Variants in HMGCLL1 observed in about 807,000 individuals in gnomAD.
HMGCLL1 encodes the protein 3-hydroxymethyl-3-methylglutaryl-CoA lyase, cytoplasmic.
HMGCLL1 carries 36 observed loss-of-function variants against 39.1 expected under a neutral mutation model. That is an observed-to-expected ratio of 0.92 (90% CI 0.71 to 1.22). HMGCLL1 has a LOEUF of 1.22. Ranked by LOEUF, HMGCLL1 falls within the 50% of genes most tolerant of loss-of-function variation. The probability of loss-of-function intolerance (pLI) is 0.00; values close to 1 mark genes in which losing one functional copy is unlikely to be tolerated. For missense variants in HMGCLL1, 451 were observed against 416.5 expected, an observed-to-expected ratio of 1.08 and a Z score of -0.72; for synonymous variants, 149 against 144.0, an observed-to-expected ratio of 1.03 and a Z score of -0.25.
chr6:55,566,552 T>A, intron 1 of HMGCLL1: 1 of 454,398 alleles, frequency 2.2e-6, no homozygotes, highest in Admixed American at 2.4e-5. Flanking sequence ...CCGGAGACCA[T>A]AGCTTAGACA....
chr6:55,561,522 G>T (rs1770946053), intron 1 of HMGCLL1, among the ~76,000 whole-genome samples: 1 of 152,058 alleles, frequency 6.6e-6, no homozygotes, highest in Non-Finnish European at 1.5e-5. Context: ...TAATTCATTA[G>T]GTTAGACTGG....
At chr6:55,605,014 G>T in the HMGCLL1 span, among the ~76,000 whole-genome samples, 2 of 152,198 alleles carry the variant, frequency 1.3e-5, no homozygotes, top group East Asian at 3.8e-4. Flanking sequence ...GCTATGCACG[G>T]TAAACATGGA....
rs140707918 is a variant in HMGCLL1, at chr6:55,553,178, T to TAC, written c.109-11040_109-11039dup. ...CTCTCTCTATATATATATATATACA[T>TAC]ACACACACACACACACACACACACA... On this transcript the variant is annotated intron_variant, in intron 1 of 8. Coordinates refer to ENST00000274901, the MANE Select transcript of HMGCLL1 (RefSeq NM_001042406.2). 3.3e-4 allele frequency among the ~76,000 whole-genome samples: 10 copies of TAC among 30,654 alleles called. No homozygotes were observed. In the East Asian group the frequency reaches 7.2e-3, roughly 22 times the overall value. 20.1% of individuals were successfully genotyped at this position (30,654 alleles called of 152,430 possible). A position where few individuals can be genotyped will look rare whatever the true frequency, so the allele number is the denominator to read the frequency against.
At chr6:55,569,340 A>G (rs1460970352) in intron 1 of HMGCLL1, among the ~76,000 whole-genome samples, 3 of 152,184 alleles carry the variant, frequency 2.0e-5, no homozygotes, top group Non-Finnish European at 4.4e-5. Flanking sequence ...ACCATCCAAC[A>G]CAGTGTTTAC....
chr6:55,485,854 T>A (rs1765998353), intron 7 of HMGCLL1, among the ~76,000 whole-genome samples: 1 of 151,812 alleles, frequency 6.6e-6, no homozygotes, highest in Non-Finnish European at 1.5e-5. Flanking sequence ...AGGCTGGAAA[T>A]AGCCTCTCTA....
the HMGCLL1 span, among the ~76,000 whole-genome samples, chr6:55,658,250 C>A: frequency 3.3e-5 from 5 of 151,908 alleles, no homozygotes; most frequent in Non-Finnish European, 7.4e-5. Flanking sequence ...TCCACCTTGA[C>A]AGCCCATTCT....
intron 3 of HMGCLL1, among the ~76,000 whole-genome samples, chr6:55,517,680 T>A (rs1767813336): frequency 6.6e-6 from 1 of 151,948 alleles, no homozygotes; most frequent in Non-Finnish European, 1.5e-5. Context: ...AATATTATAA[T>A]ATTAAATATA....
chr6:55,661,587 CAGT>C, the HMGCLL1 span, among the ~76,000 whole-genome samples: 1 of 151,974 alleles, frequency 6.6e-6, no homozygotes, highest in African/African-American at 2.4e-5. Flanking sequence ...GTTTTTGTAT[CAGT>C]ACCATGCTCT....
At chr6:55,629,612 A>T in the HMGCLL1 span, among the ~76,000 whole-genome samples, 1 of 152,168 alleles carries the variant, frequency 6.6e-6, no homozygotes, top group African/African-American at 2.4e-5. Context: ...TCTTCACAGC[A>T]GACCCTCCCA....
intron 7 of HMGCLL1, among the ~76,000 whole-genome samples, chr6:55,482,651 A>G (rs1032382089): frequency 4.6e-5 from 7 of 152,104 alleles, no homozygotes; most frequent in African/African-American, 1.7e-4. Flanking sequence ...GTTTCCTTTA[A>G]GAATGTTTAC....
chr6:55,512,560 T>C (rs951185912), intron 5 of HMGCLL1: 5 of 152,140 alleles, frequency 3.3e-5, no homozygotes, highest in Non-Finnish European at 7.3e-5. Flanking sequence ...TAATTTCAAA[T>C]TTTAGAAACT....
At chr6:55,469,920 C>T (rs986375116) in intron 7 of HMGCLL1, among the ~76,000 whole-genome samples, 3 of 151,728 alleles carry the variant, frequency 2.0e-5, no homozygotes, top group Non-Finnish European at 2.9e-5. Flanking sequence ...AAAGATTAAC[C>T]GATTAGAATG....
the HMGCLL1 span, among the ~76,000 whole-genome samples, chr6:55,613,109 A>G: frequency 6.6e-6 from 1 of 152,190 alleles, no homozygotes; most frequent in Non-Finnish European, 1.5e-5. Flanking sequence ...CACAAGAAAA[A>G]AAACTCCATC....
intron 1 of HMGCLL1, among the ~76,000 whole-genome samples, chr6:55,571,387 C>T (rs904023769): frequency 6.6e-6 from 1 of 151,958 alleles, no homozygotes; most frequent in African/African-American, 2.4e-5. Flanking sequence ...ATATTTTGCT[C>T]TAAACAATAG....
At chr6:55,655,773 T>C in the HMGCLL1 span, among the ~76,000 whole-genome samples, 1 of 152,042 alleles carries the variant, frequency 6.6e-6, no homozygotes, top group African/African-American at 2.4e-5. Flanking sequence ...TGCTAAATTA[T>C]TGAATTGCTT....
intron 1 of HMGCLL1, among the ~76,000 whole-genome samples, chr6:55,576,532 T>A (rs1771768954): frequency 6.6e-6 from 1 of 152,228 alleles, no homozygotes; most frequent in Admixed American, 6.5e-5. Context: ...TTATTTTATT[T>A]GAAATAGGGA....
intron 1 of HMGCLL1, among the ~76,000 whole-genome samples, chr6:55,557,540 C>A (rs1431170062): frequency 6.6e-6 from 1 of 152,070 alleles, no homozygotes; most frequent in Non-Finnish European, 1.5e-5. Flanking sequence ...TTCTTTAGGG[C>A]TCTGTACCCA....
intron 1 of HMGCLL1, among the ~76,000 whole-genome samples, chr6:55,551,733 A>G (rs1388915598): frequency 6.6e-6 from 1 of 152,048 alleles, no homozygotes; most frequent in Non-Finnish European, 1.5e-5. Context: ...GCTACCATAA[A>G]TAAACCCCAA....
chr6:55,586,607 C>A, the HMGCLL1 span, among the ~76,000 whole-genome samples: 1 of 150,846 alleles, frequency 6.6e-6, no homozygotes, highest in Non-Finnish European at 1.5e-5. Context: ...ATGTGTTCTC[C>A]TTGTTCAATT....
Sources: allele counts gnomAD v4.1 joint callset (sites outside exome capture counted in the v4.1 genomes callset), GRCh38; gene constraint gnomAD v4.1.1; transcripts MANE v1.5; gene names NCBI Gene and HGNC (gene_info 2026-07-23, HGNC 2026-07-21).